The following JARID2 variants were observed in gnomAD, a reference collection of about 807,000 sequenced individuals.
The protein encoded by JARID2 is jumonji and AT-rich interaction domain containing 2, also known as protein Jumonji.
A neutral mutation model predicts 125.6 loss-of-function variants in JARID2; 21 were observed. The observed-to-expected ratio is 0.17, with a 90% CI of 0.12 to 0.24. The LOEUF (loss-of-function observed/expected upper bound fraction) is 0.24. JARID2 is among the 10% of genes least tolerant of loss of function. The pLI is 1.00. For synonymous variants in JARID2, 736 were observed against 661.6 expected (o/e 1.11, Z -1.73); for missense variants, 1,303 against 1,639.6 (o/e 0.79, Z 3.55).
At chr6:15,464,829 T>G (rs1483884842) in intron 4 of JARID2, among the ~76,000 whole-genome samples, 1 of 152,210 alleles carries the variant, frequency 6.6e-6, no homozygotes. Flanking sequence ...GCCAATTACC[T>G]GAATAGAAGC....
At chr6:15,443,693 A>G (rs777269247) in intron 3 of JARID2, among the ~76,000 whole-genome samples, 11 of 152,224 alleles carry the variant, frequency 7.2e-5, no homozygotes, top group Non-Finnish European at 8.8e-5. Context: ...AGAAATTACT[A>G]CATTCAGGTA....
intron 2 of JARID2, among the ~76,000 whole-genome samples, chr6:15,377,882 C>T (rs990124473): frequency 2.4e-5 from 3 of 123,632 alleles, no homozygotes; most frequent in Non-Finnish European, 3.5e-5. Context: ...AATTTTTTTT[C>T]TTCTTCTTTT....
chr6:15,408,389 C>T (rs1466206524), intron 2 of JARID2, among the ~76,000 whole-genome samples: 1 of 151,632 alleles, frequency 6.6e-6, no homozygotes, highest in Non-Finnish European at 1.5e-5. Flanking sequence ...GTAATTTATC[C>T]ATCTTCTCTT....
intron 4 of JARID2, among the ~76,000 whole-genome samples, chr6:15,463,490 G>A (rs1257557351): frequency 1.4e-5 from 2 of 147,308 alleles, no homozygotes; most frequent in East Asian, 2.0e-4. Flanking sequence ...GAGGGCAATG[G>A]CACAGTTTCA....
chr6:15,415,652 C>T (rs994577956), intron 3 of JARID2, among the ~76,000 whole-genome samples: 8 of 148,996 alleles, frequency 5.4e-5, no homozygotes, highest in African/African-American at 7.4e-5. Context: ...GGCTGACCCC[C>T]CCCACCTCCC....
intron 3 of JARID2, among the ~76,000 whole-genome samples, chr6:15,421,092 C>T (rs1440058851): frequency 6.6e-6 from 1 of 152,080 alleles, no homozygotes; most frequent in Non-Finnish European, 1.5e-5. Context: ...CTTGGCCTCC[C>T]CTTGTGTTTC....
At chr6:15,256,715 G>T (rs1479213698) in intron 1 of JARID2, among the ~76,000 whole-genome samples, 1 of 152,172 alleles carries the variant, frequency 6.6e-6, no homozygotes, top group African/African-American at 2.4e-5. Flanking sequence ...CACCCCGTCT[G>T]GCAGAGCCAG....
rs143491695 is a variant in JARID2 at position 15,487,506 on chromosome 6, C to A, written c.870C>A (p.Pro290=). 3.7e-5 allele frequency: 59 copies of A among 1,613,730 alleles called. No individual in the cohort carries two copies. The highest frequency in any genetic ancestry group is 3.3e-4 in the Middle Eastern group (2 of 6,082). ...AKGLAATHHH[P]PLHRSAQDLR... ...GGCTTGCTGCCACCCATCACCACCC[C>A]CCTCTGCATCGGTCGGCTCAGGACT... is the stretch of plus-strand genomic sequence containing the variant. Residue 290 remains proline (P), a synonymous_variant, in exon 6 of 18, where the codon CCC becomes CCA. Coordinates refer to ENST00000341776, the MANE Select transcript of JARID2 (RefSeq NM_004973.4).
chr6:15,506,343 C>T (rs761913945), intron 9 of JARID2, among the ~76,000 whole-genome samples: 30 of 152,196 alleles, frequency 2.0e-4, no homozygotes, highest in Non-Finnish European at 3.8e-4. Context: ...ATGTGGAATT[C>T]GTTCTTGATT....
chr6:15,309,949 TAAAC>T (rs1347493847), intron 1 of JARID2, among the ~76,000 whole-genome samples: 1 of 151,900 alleles, frequency 6.6e-6, no homozygotes, highest in Non-Finnish European at 1.5e-5. Flanking sequence ...TACTCTGTAA[TAAAC>T]AAAAAAAATG....
At chr6:15,515,571 A>T (rs1287645130) in intron 16 of JARID2, among the ~76,000 whole-genome samples, 3 of 152,124 alleles carry the variant, frequency 2.0e-5, no homozygotes, top group Non-Finnish European at 4.4e-5. Flanking sequence ...AGATCACTCG[A>T]GGCCAGGAGT....
chr6:15,498,411 C>T (rs1223896500), intron 7 of JARID2, among the ~76,000 whole-genome samples: 2 of 152,174 alleles, frequency 1.3e-5, no homozygotes, highest in Admixed American at 6.5e-5. Flanking sequence ...CTGTAGCCCT[C>T]CTTCCCTGTC....
At chr6:15,369,923 G>C (rs989587476) in intron 1 of JARID2, among the ~76,000 whole-genome samples, 3 of 152,204 alleles carry the variant, frequency 2.0e-5, no homozygotes, top group Non-Finnish European at 2.9e-5. Context: ...TGTGGAGGAA[G>C]GATGTCTCCC....
chr6:15,317,518 A>T (rs907480411), intron 1 of JARID2, among the ~76,000 whole-genome samples: 1 of 152,052 alleles, frequency 6.6e-6, no homozygotes, highest in Non-Finnish European at 1.5e-5. Flanking sequence ...GTAGACCTGG[A>T]GTCTTGCCTC....
At chr6:15,491,769 G>A (rs55901822) in intron 6 of JARID2, among the ~76,000 whole-genome samples, 19,414 of 152,080 alleles carry the variant, frequency 0.13, 1,375 homozygotes, top group Non-Finnish European at 0.15. Flanking sequence ...TGTGTGTGTC[G>A]GTGGTGGGGT....
chr6:15,403,488 G>T (rs1049479394), intron 2 of JARID2, among the ~76,000 whole-genome samples: 1 of 152,082 alleles, frequency 6.6e-6, no homozygotes, highest in Non-Finnish European at 1.5e-5. Context: ...GGAGATATCT[G>T]CTGGGTTTGT....
intron 1 of JARID2, among the ~76,000 whole-genome samples, chr6:15,260,620 G>A (rs1759836992): frequency 6.6e-6 from 1 of 152,158 alleles, no homozygotes; most frequent in South Asian, 2.1e-4. Flanking sequence ...GTACAAATAA[G>A]AACTTGCAAA....
chr6:15,473,689 C>T (rs1274692342), intron 5 of JARID2, among the ~76,000 whole-genome samples: 1 of 152,038 alleles, frequency 6.6e-6, no homozygotes. Flanking sequence ...AGTACCAAGT[C>T]TTTTGTGAAG....
At chr6:15,509,792 C>T (rs1039737774) in intron 12 of JARID2, among the ~76,000 whole-genome samples, 2 of 152,182 alleles carry the variant, frequency 1.3e-5, no homozygotes, top group African/African-American at 4.8e-5. Context: ...GACGTTGAGT[C>T]ACAGATAGCA....
Sources: allele counts gnomAD v4.1 joint callset (sites outside exome capture counted in the v4.1 genomes callset), GRCh38; gene constraint gnomAD v4.1.1; transcripts MANE v1.5; gene names NCBI Gene and HGNC (gene_info 2026-07-23, HGNC 2026-07-21).